The following SCPPPQ1 variants were observed in gnomAD, a reference collection of about 807,000 sequenced individuals.
The protein encoded by SCPPPQ1 is secretory calcium-binding phosphoprotein proline- and glutamine-rich 1.
At chr4:87,461,005 ATGTT>A in the SCPPPQ1 span, 32 of 152,614 alleles carry the variant, frequency 2.1e-4, 1 homozygote, top group Admixed American at 1.8e-3. Flanking sequence ...AAAAAACAAA[ATGTT>A]AGTTTCAGAT....
chr4:87,463,327 A>C, the SCPPPQ1 span, among the ~76,000 whole-genome samples: 14,592 of 151,600 alleles, frequency 0.096, 787 homozygotes, highest in Non-Finnish European at 0.13. Flanking sequence ...TTAAAAAAAA[A>C]AACAACAAAA....
chr4:87,469,923 C>T, the SCPPPQ1 span, among the ~76,000 whole-genome samples: 7 of 147,492 alleles, frequency 4.7e-5, no homozygotes, highest in Admixed American at 1.4e-4. Context: ...CCTGAAGTTG[C>T]GTTTGTGATC....
chr4:87,463,652 A>G, the SCPPPQ1 span, among the ~76,000 whole-genome samples: 1 of 152,224 alleles, frequency 6.6e-6, no homozygotes, highest in Admixed American at 6.5e-5. Context: ...ATTCACAGAA[A>G]TATTTTCTTT....
At chr4:87,466,980 A>G in the SCPPPQ1 span, among the ~76,000 whole-genome samples, 1 of 152,174 alleles carries the variant, frequency 6.6e-6, no homozygotes, top group South Asian at 2.1e-4. Context: ...ATTATTTTAG[A>G]CTAAAATAAT....
the SCPPPQ1 span, chr4:87,460,994 G>GA: frequency 6.6e-6 from 1 of 152,404 alleles, no homozygotes; most frequent in Admixed American, 6.6e-5. Context: ...CTATAATAGG[G>GA]AAAAAACAAA....
chr4:87,470,297 A>G, the SCPPPQ1 span, among the ~76,000 whole-genome samples: 5 of 152,302 alleles, frequency 3.3e-5, no homozygotes, highest in South Asian at 1.0e-3. Flanking sequence ...CCAGTGTTAC[A>G]TCATGCTTAT....
At chr4:87,461,085 T>A in the SCPPPQ1 span, 1 of 152,652 alleles carries the variant, frequency 6.6e-6, no homozygotes, top group Non-Finnish European at 1.5e-5. Flanking sequence ...ATTTTCCTTA[T>A]GTCTTATGTA....
At chr4:87,466,418 G>A in the SCPPPQ1 span, among the ~76,000 whole-genome samples, 1 of 151,948 alleles carries the variant, frequency 6.6e-6, no homozygotes, top group African/African-American at 2.4e-5. Flanking sequence ...AAACAATAGG[G>A]AAACAATGCA....
At chr4:87,466,352 A>G in the SCPPPQ1 span, among the ~76,000 whole-genome samples, 1 of 152,228 alleles carries the variant, frequency 6.6e-6, no homozygotes, top group Non-Finnish European at 1.5e-5. Flanking sequence ...CCTGGGCAAC[A>G]GAGAGAGACT....
chr4:87,465,232 A>G, the SCPPPQ1 span, among the ~76,000 whole-genome samples: 1 of 152,206 alleles, frequency 6.6e-6, no homozygotes, highest in Non-Finnish European at 1.5e-5. Context: ...TCTCCAGATC[A>G]TTTAACTTCA....
At chr4:87,466,111 G>T in the SCPPPQ1 span, among the ~76,000 whole-genome samples, 1 of 152,048 alleles carries the variant, frequency 6.6e-6, no homozygotes, top group African/African-American at 2.4e-5. Flanking sequence ...ATCTTGCCAG[G>T]GCACGGTCGC....
chr4:87,468,956 T>C, the SCPPPQ1 span, among the ~76,000 whole-genome samples: 2 of 152,200 alleles, frequency 1.3e-5, no homozygotes, highest in African/African-American at 4.8e-5. Context: ...AAATCTGGTT[T>C]TCAAAAATTG....
the SCPPPQ1 span, among the ~76,000 whole-genome samples, chr4:87,468,931 T>C: frequency 6.6e-6 from 1 of 152,368 alleles, no homozygotes; most frequent in Non-Finnish European, 1.5e-5. Flanking sequence ...TATAGATGAA[T>C]GTAGCTTTTT....
At chr4:87,463,242 C>G in the SCPPPQ1 span, among the ~76,000 whole-genome samples, 17 of 151,298 alleles carry the variant, frequency 1.1e-4, no homozygotes, top group Admixed American at 1.1e-3. Flanking sequence ...TCTTACCTTT[C>G]GTGGCATTGA....
chr4:87,462,941 G>A, the SCPPPQ1 span, among the ~76,000 whole-genome samples: 2 of 147,280 alleles, frequency 1.4e-5, no homozygotes, highest in Admixed American at 6.9e-5. Flanking sequence ...AGAGGTTGCA[G>A]TGAGCCGAGA....
At chr4:87,470,903 A>G in the SCPPPQ1 span, among the ~76,000 whole-genome samples, 2 of 151,882 alleles carry the variant, frequency 1.3e-5, no homozygotes, top group African/African-American at 4.8e-5. Flanking sequence ...CTTTCTTCTT[A>G]TTAGAAGTGG....
chr4:87,469,602 A>G, the SCPPPQ1 span, among the ~76,000 whole-genome samples: 1 of 152,230 alleles, frequency 6.6e-6, no homozygotes, highest in Non-Finnish European at 1.5e-5. Context: ...GGGGATGGGC[A>G]GAGCAGTGGC....
the SCPPPQ1 span, among the ~76,000 whole-genome samples, chr4:87,461,388 T>G: frequency 6.6e-6 from 1 of 152,242 alleles, no homozygotes; most frequent in Non-Finnish European, 1.5e-5. Flanking sequence ...GCTTGGAAGA[T>G]TATGTGTAAC....
the SCPPPQ1 span, among the ~76,000 whole-genome samples, chr4:87,463,651 A>C: frequency 6.6e-6 from 1 of 152,226 alleles, no homozygotes; most frequent in East Asian, 1.9e-4. Flanking sequence ...AATTCACAGA[A>C]ATATTTTCTT....
Sources: gnomAD v4.1 joint callset for allele counts (sites outside exome capture counted in the v4.1 genomes callset) on GRCh38, gnomAD v4.1.1 for gene constraint, MANE v1.5 for transcripts, NCBI Gene and HGNC (gene_info 2026-07-23, HGNC 2026-07-21) for gene names.